LTBP3: variants seen among roughly 807,000 people sequenced by gnomAD.
LTBP3 encodes the protein latent transforming growth factor beta binding protein 3.
In LTBP3, 97 loss-of-function variants were observed where a neutral mutation model predicts 159.7. The observed-to-expected ratio is 0.61, with a 90% CI of 0.52 to 0.72. The LOEUF is 0.72. Among genes scored for constraint, LTBP3 ranks in the 30% least tolerant of loss-of-function variants. The pLI, the probability that LTBP3 is intolerant of heterozygous loss-of-function variation, is 0.00. For missense variants in LTBP3, 1,584 were observed against 1,864.3 expected (o/e 0.85, Z 2.77); for synonymous variants, 824 against 777.1 (o/e 1.06, Z -1.00).
Position 65,543,089 on chromosome 11 carries a change from A to G in LTBP3, c.2596+16T>C. The G allele has an allele frequency of 6.2e-7, 1 of 1,613,800 alleles. No individual in the cohort carries two copies. Among genetic ancestry groups the G allele is most frequent in the Non-Finnish European group, 8.5e-7 (1 of 1,179,932 alleles). Reference sequence around the variant, plus strand: ...CCTGCCACATCCCTCAGGAACCCTCAGCCAGTCCCCCATACCTTGGCATTT... The same window carrying G: ...CCTGCCACATCCCTCAGGAACCCTCGGCCAGTCCCCCATACCTTGGCATTT... On this transcript the variant is annotated intron_variant, in intron 18 of 27. Coordinates refer to ENST00000301873, the MANE Select transcript of LTBP3 (RefSeq NM_001130144.3).
Position 65,539,223 on chromosome 11 carries a change from C to T in LTBP3, c.3769G>A (p.Glu1257Lys). The T allele has an allele frequency of 6.5e-7, 1 of 1,527,164 alleles. No individual in the cohort carries two copies. Among genetic ancestry groups the T allele is most frequent in the South Asian group, 1.2e-5 (1 of 83,280 alleles). 94.6% of individuals were successfully genotyped at this position (1,527,164 alleles called of 1,614,324 possible). Reference sequence around the variant, plus strand: ...CCGCGCTGGTTCAGCTCTCGGCACTCGTCGATATCTGAAGGTGAGGGCGAC... The same window carrying T: ...CCGCGCTGGTTCAGCTCTCGGCACTTGTCGATATCTGAAGGTGAGGGCGAC... ...ASRARCVDID[E>K]CRELNQRGLL... The change falls in exon 28 of 28, where the codon GAG becomes AAG. Residue 1257 changes from glutamate to lysine, a missense_variant. This residue lies in a region of LTBP3 where 514 missense variants were observed against 530.3 expected (regional missense o/e 0.97). Transcript: ENST00000301873.
Position 65,543,442 on chromosome 11 carries a change from G to A in LTBP3, c.2461C>T (p.Arg821Trp), listed in dbSNP as rs758861823. ...GATCCCTCACCCTCGCAGTGGCTCCGGTCCCTGGACAGATGGTAGCCAGAG... is the reference window on the plus strand; with the variant it reads ...GATCCCTCACCCTCGCAGTGGCTCCAGTCCCTGGACAGATGGTAGCCAGAG... ...CLSGYHLSRD[R>W]SHCEDIDECD... Residue 821 changes from arginine to tryptophan, a missense_variant, in exon 17 of 28, where the codon CGG becomes TGG. Physicochemically the swap from Arg to Trp is moderately radical, Grantham distance 101. This residue lies in a region of LTBP3 where 565 missense variants were observed against 677.7 expected (regional missense o/e 0.83). Coordinates refer to ENST00000301873, the MANE Select transcript of LTBP3 (RefSeq NM_001130144.3). 3.7e-6 allele frequency: 6 copies of A among 1,613,926 alleles called. No homozygotes were observed. Among genetic ancestry groups the A allele is most frequent in the Admixed American group, 1.7e-5 (1 of 60,000 alleles).
chr11:65,552,322 G>C lies in LTBP3; in HGVS notation c.1271C>G (p.Thr424Ser). ...GACACTGCAGCAGCAGAGCTGGCGGGTCAGGCGGGTGGTCAGTGGGTGCTG... is the reference window on the plus strand; with the variant it reads ...GACACTGCAGCAGCAGAGCTGGCGGCTCAGGCGGGTGGTCAGTGGGTGCTG... ...QCQHPLTTRL[T>S]RQLCCCSVGK... The change falls in exon 7 of 28, where the codon ACC becomes AGC. Residue 424 changes from threonine (T) to serine (S), a missense_variant. Around this residue, in one of 6 missense-constraint regions of LTBP3, gnomAD observed 156 missense variants for 259.7 expected, o/e 0.60. Coordinates refer to ENST00000301873, the MANE Select transcript of LTBP3 (RefSeq NM_001130144.3). This position sits in a 1 kb window ranked among gnomAD's most constrained non-coding sequence, Gnocchi z 6.0. 6.2e-7 allele frequency: 1 copy of C among 1,614,102 alleles called. No individual in the cohort carries two copies. The highest frequency in any genetic ancestry group is 8.5e-7 in the Non-Finnish European group (1 of 1,180,004).
chr11:65,539,875 G>C lies in LTBP3; in HGVS notation c.3392C>G (p.Ala1131Gly). 6.6e-7 allele frequency: 1 copy of C among 1,513,362 alleles called. No homozygotes were observed. Among genetic ancestry groups the C allele is most frequent in the Non-Finnish European group, 8.8e-7 (1 of 1,138,090 alleles). The allele number at this position is 1,513,362 out of a possible 1,614,324, so 93.7% of individuals were successfully genotyped here. A position where few individuals can be genotyped will look rare whatever the true frequency, so the allele number is the denominator to read the frequency against. ...CQLPESPAER[A>G]PERRDVCWSQ... ...CCAGCACACGTCGCGCCGCTCCGGG[G>C]CACGCTCTGCGGAAGACACCTGGCA... Residue 1131 changes from alanine to glycine, a missense_variant, in exon 25 of 28, where the codon GCC (alanine) becomes GGC (glycine). By Grantham distance (60) the Ala-to-Gly change is moderately conservative (BLOSUM62 0). Transcript: ENST00000301873.
chr11:65,545,241 G>C, intron 16 of LTBP3: 1 of 177,784 alleles, frequency 5.6e-6, no homozygotes, highest in Non-Finnish European at 1.2e-5. Flanking sequence ...AACGCCTTCC[G>C]CAGCCTGCCC....
At position 65,539,383 on chromosome 11, in the gene LTBP3, G is replaced by T; in HGVS notation, c.3705C>A (p.Ala1235=). The part of the protein sequence containing the change: ...SGRCVPRPGG[A]VCECPGGFQL... ...GGAAGCCGCCGGGACACTCGCACAC[G>T]GCGCCGCCCGGCCGCGGCACGCAGC... The change falls in exon 27 of 28, where the codon GCC becomes GCA. Residue 1235 remains alanine, a synonymous_variant. Coordinates refer to ENST00000301873, the MANE Select transcript of LTBP3 (RefSeq NM_001130144.3). 9.8e-6 allele frequency: 15 copies of T among 1,526,240 alleles called. No individual in the cohort carries two copies. Among genetic ancestry groups the T allele is most frequent in the Non-Finnish European group, 1.3e-5 (15 of 1,133,290 alleles). The allele number at this position is 1,526,240 out of a possible 1,614,324, so 94.5% of individuals were successfully genotyped here. A position where few individuals can be genotyped will look rare whatever the true frequency, so the allele number is the denominator to read the frequency against.
intron 19 of LTBP3, 68 bp from the exon 20 acceptor site, chr11:65,541,361 ACCACAGGTCTTTCCCC>A (rs1270825747): frequency 6.5e-5 from 101 of 1,558,950 alleles, no homozygotes; most frequent in Non-Finnish European, 7.8e-5. Flanking sequence ...CTGCCCACCC[ACCACAGGTCTTTCCCC>A]CCACATTCCC....
In LTBP3 at chr11:65,547,610, C is replaced by T. The variant is rs1309549099; in HGVS notation, c.1979-43G>A. ...GCCACGAAGGGGGTGTAGGAGGCGG[C>T]GGGCAAGGGGAGGGATTACACGGCG... On this transcript the variant is annotated intron_variant, in intron 13 of 27. Coordinates refer to ENST00000301873, the MANE Select transcript of LTBP3 (RefSeq NM_001130144.3). This position sits in a 1 kb window ranked among gnomAD's most constrained non-coding sequence, Gnocchi z 4.6. 3.7e-6 allele frequency: 6 copies of T among 1,610,818 alleles called. No individual in the cohort carries two copies. Among genetic ancestry groups the T allele is most frequent in the Non-Finnish European group, 4.2e-6 (5 of 1,178,464 alleles).
chr11:65,543,486 G>C lies in LTBP3; in HGVS notation c.2417C>G (p.Ser806Cys), dbSNP rs937223382. The C allele has an allele frequency of 1.9e-6, 3 of 1,613,992 alleles. No individual in the cohort carries two copies. Among genetic ancestry groups the C allele is most frequent in the Non-Finnish European group, 2.5e-6 (3 of 1,179,992 alleles). ...GCCAGAGAGGCACTGACACTGGAAAGATCCTGGCGTGTTGCTGCAGATGCC... is the reference window on the plus strand; with the variant it reads ...GCCAGAGAGGCACTGACACTGGAAACATCCTGGCGTGTTGCTGCAGATGCC... ...DNGICSNTPG[S>C]FQCQCLSGYH... is the part of the protein sequence containing the mutation. The change falls in exon 17 of 28, where the codon TCT becomes TGT. Residue 806 changes from serine to cysteine, a missense_variant. Physicochemically the swap from Ser to Cys is moderately radical, Grantham distance 112 (BLOSUM62 -1). Transcript: ENST00000301873.
chr11:65,538,597 G>A lies in LTBP3; in HGVS notation c.*483C>T, dbSNP rs2135110586. On this transcript the variant is annotated 3_prime_UTR_variant, in exon 28 of 28. Transcript: ENST00000301873. ...GGCGGTGGCCCTTCCCGGCTGCGGAGAGCCCGCCCCACAGATGTATTTATT... is the reference window on the plus strand; with the variant it reads ...GGCGGTGGCCCTTCCCGGCTGCGGAAAGCCCGCCCCACAGATGTATTTATT... 2.5e-6 allele frequency: 4 copies of A among 1,600,350 alleles called. No homozygotes were observed. The highest frequency in any genetic ancestry group is 2.2e-5 in the East Asian group (1 of 44,550).
At position 65,539,240 on chromosome 11, in the gene LTBP3, G is replaced by T; in HGVS notation, c.3761-9C>A. On this transcript the variant is annotated splice_polypyrimidine_tract_variant and intron_variant, in intron 27 of 27. Coordinates refer to ENST00000301873, the MANE Select transcript of LTBP3 (RefSeq NM_001130144.3). ...TCGGCACTCGTCGATATCTGAAGGT[G>T]AGGGCGACAGGTGCGGCTTCGCTGA... is the stretch of plus-strand genomic sequence containing the variant. 6.6e-7 allele frequency: 1 copy of T among 1,525,912 alleles called. No homozygotes were observed. Among genetic ancestry groups the T allele is most frequent in the East Asian group, 2.6e-5 (1 of 38,984 alleles). 94.5% of individuals were successfully genotyped at this position (1,525,912 alleles called of 1,614,324 possible). A position where few individuals can be genotyped will look rare whatever the true frequency, so the allele number is the denominator to read the frequency against.
Position 65,553,243 on chromosome 11 carries a change from C to T in LTBP3, c.984G>A (p.Gln328=). The change falls in exon 5 of 28, where the codon CAG becomes CAA. Residue 328 remains glutamine (Q), a synonymous_variant. Coordinates refer to ENST00000301873, the MANE Select transcript of LTBP3 (RefSeq NM_001130144.3). The surrounding 1 kb of genome is among the most constrained non-coding windows in gnomAD (Gnocchi z 6.5). ...KCPQLQYTGV[Q]KPGPVRGEVG... ...CTTCCCCACGTACAGGCCCTGGCTT[C>T]TGCACTCCTGTGTCTGCAGAGAGAG... The T allele has an allele frequency of 1.2e-6, 2 of 1,614,042 alleles. No homozygotes were observed. The highest frequency in any genetic ancestry group is 1.1e-5 in the South Asian group (1 of 91,084).
Position 65,539,071 on chromosome 11 carries a change from T to TCGGCGGCGTCAG in LTBP3, c.3909_*8dup, listed in dbSNP as rs755932461. On this transcript the variant is annotated 3_prime_UTR_variant, in exon 28 of 28. Coordinates refer to ENST00000301873, the MANE Select transcript of LTBP3 (RefSeq NM_001130144.3). Reference sequence around the variant, plus strand: ...ACCGAGGTCTGGGCCGAGGGCGGCGTCGGCGGCGTCAGCGGCGGCGCTGGG... The same window carrying TCGGCGGCGTCAG: ...ACCGAGGTCTGGGCCGAGGGCGGCGTCGGCGGCGTCAGCGGCGGCGTCAGCGGCGGCGCTGGG... 31 of 1,371,756 alleles carry TCGGCGGCGTCAG rather than the reference T, an allele frequency of 2.3e-5. No homozygotes were observed. Among genetic ancestry groups the TCGGCGGCGTCAG allele is most frequent in the Admixed American group, 1.4e-4 (4 of 28,346 alleles). The allele number at this position is 1,371,756 out of a possible 1,614,324, so 85.0% of individuals were successfully genotyped here. A position where few individuals can be genotyped will look rare whatever the true frequency, so the allele number is the denominator to read the frequency against.
At position 65,543,484 on chromosome 11, in the gene LTBP3, A is replaced by G. The variant is rs1205515379; in HGVS notation, c.2419T>C (p.Phe807Leu). The change falls in exon 17 of 28, where the codon TTC becomes CTC. Residue 807 changes from phenylalanine to leucine, a missense_variant. Transcript: ENST00000301873. ...TAGCCAGAGAGGCACTGACACTGGA[A>G]AGATCCTGGCGTGTTGCTGCAGATG... ...NGICSNTPGSFQCQCLSGYHL... is the reference protein window; with the variant it reads ...NGICSNTPGSLQCQCLSGYHL... The G allele has an allele frequency of 6.2e-7, 1 of 1,613,928 alleles. No individual in the cohort carries two copies. Among genetic ancestry groups the G allele is most frequent in the Non-Finnish European group, 8.5e-7 (1 of 1,179,968 alleles).
rs368975107 is a variant in LTBP3, at chr11:65,557,800, C to T, written c.160G>A (p.Gly54Ser). Residue 54 changes from glycine to serine, a missense_variant, in exon 1 of 28, where the codon GGC becomes AGC. This residue lies in a region of LTBP3 where 76 missense variants were observed against 133.3 expected (regional missense o/e 0.57). Transcript: ENST00000301873. ...GPAGERGAGG[G>S]GALARERFKV... ...AAGCGCTCGCGGGCCAGCGCCCCGCCCCCGCCTGCGCCCCGCTCGCCGGCC... is the reference window on the plus strand; with the variant it reads ...AAGCGCTCGCGGGCCAGCGCCCCGCTCCCGCCTGCGCCCCGCTCGCCGGCC... 7.0e-6 allele frequency: 11 copies of T among 1,561,912 alleles called. No individual in the cohort carries two copies. The highest frequency in any genetic ancestry group is 8.6e-6 in the Non-Finnish European group (10 of 1,161,418).
At chr11:65,542,977 G>A (rs1405411210) in intron 18 of LTBP3, 128 bp downstream of exon 18, 47 of 1,128,858 alleles carry the variant, frequency 4.2e-5, no homozygotes, top group Non-Finnish European at 5.6e-5. Context: ...TGGATGGATA[G>A]ATGGATGGAT....
chr11:65,543,277 C>T, intron 17 of LTBP3, 53 bp from the exon 18 acceptor site: 1 of 1,613,168 alleles, frequency 6.2e-7, no homozygotes, highest in African/African-American at 1.3e-5. Context: ...CCAACCCCAG[C>T]CTGAGGCAGC....
chr11:65,546,879 T>C lies in LTBP3; in HGVS notation c.2149A>G (p.Lys717Glu). The change falls in exon 15 of 28, where the codon AAA becomes GAA. Residue 717 changes from lysine (K) to glutamate (E), a missense_variant. Around this residue, in one of 6 missense-constraint regions of LTBP3, gnomAD observed 565 missense variants for 677.7 expected, o/e 0.83. Transcript: ENST00000301873. This position sits in a 1 kb window ranked among gnomAD's most constrained non-coding sequence, Gnocchi z 4.0. Reference sequence around the variant, plus strand: ...AAGCTCCCGGGCTTGTTCTCGCATTTGCCATCCGGGCAAGAGCTTGGGTCC... The same window carrying C: ...AAGCTCCCGGGCTTGTTCTCGCATTCGCCATCCGGGCAAGAGCTTGGGTCC... ...CRDPSSCPDG[K>E]CENKPGSFKC... is the part of the protein sequence containing the mutation. The C allele has an allele frequency of 6.2e-7, 1 of 1,612,658 alleles. No individual in the cohort carries two copies. Among genetic ancestry groups the C allele is most frequent in the Non-Finnish European group, 8.5e-7 (1 of 1,179,968 alleles).
chr11:65,546,407 C>G lies in LTBP3; in HGVS notation c.2353+35G>C, dbSNP rs1277150090. The G allele has an allele frequency of 2.6e-6, 4 of 1,511,712 alleles. No homozygotes were observed. The Admixed American group carries it at 6.3e-5, about 24-fold the overall frequency. The allele number at this position is 1,511,712 out of a possible 1,614,324, so 93.6% of individuals were successfully genotyped here. On this transcript the variant is annotated intron_variant, in intron 16 of 27. Coordinates refer to ENST00000301873, the MANE Select transcript of LTBP3 (RefSeq NM_001130144.3). The surrounding 1 kb of genome is among the most constrained non-coding windows in gnomAD (Gnocchi z 4.0). Reference sequence around the variant, plus strand: ...CTCCCCGGCTTCAGCGCGTAGGGGGCGGCGGAGGCCCGGGGCGGGGGTGCT... The same window carrying G: ...CTCCCCGGCTTCAGCGCGTAGGGGGGGGCGGAGGCCCGGGGCGGGGGTGCT...
Sources: gnomAD v4.1 joint callset for allele counts on GRCh38, gnomAD v4.1.1 for gene constraint, gnomAD v4.1.1 regional missense constraint, Gnocchi (gnomAD v3.1) non-coding constraint, MANE v1.5 for transcripts, NCBI Gene and HGNC (gene_info 2026-07-23, HGNC 2026-07-21) for gene names.